The following RYR2 variants were observed in gnomAD, a reference collection of about 807,000 sequenced individuals.
RYR2 encodes the protein cardiac muscle ryanodine receptor-calcium release channel.
A neutral mutation model predicts 601.1 loss-of-function variants in RYR2; 227 were observed. The observed-to-expected ratio is 0.38, with a 90% CI of 0.34 to 0.42. RYR2 has a LOEUF of 0.42. Ranked by LOEUF, RYR2 falls within the 10% of genes least tolerant of loss-of-function variation. RYR2 has a pLI of 1.00. For synonymous variants in RYR2, 2,223 were observed against 2,175.1 expected, an observed-to-expected ratio of 1.02 and a Z score of -0.61; for missense variants, 4,646 against 6,156.5, an observed-to-expected ratio of 0.75 and a Z score of 8.21.
intron 2 of RYR2, among the ~76,000 whole-genome samples, chr1:237,325,869 A>C (rs80124763): frequency 6.6e-6 from 1 of 152,210 alleles, no homozygotes; most frequent in African/African-American, 2.4e-5. Flanking sequence ...TGATTTAAAA[A>C]TATGAAATAG....
At chr1:237,795,836 G>GTATATATATATATATATA (rs1553329286) in intron 96 of RYR2, among the ~76,000 whole-genome samples, 7 of 132,670 alleles carry the variant, frequency 5.3e-5, no homozygotes, top group Admixed American at 2.3e-4. Context: ...GTGTGTGTGT[G>GTATATATATATATATATA]TATATATATA....
At chr1:237,289,435 G>A (rs1218867636) in intron 2 of RYR2, among the ~76,000 whole-genome samples, 1 of 152,174 alleles carries the variant, frequency 6.6e-6, no homozygotes. Context: ...CCACAGGGCT[G>A]GGGAGGCCTC....
intron 14 of RYR2, among the ~76,000 whole-genome samples, chr1:237,453,784 G>A (rs537044934): frequency 6.6e-6 from 1 of 152,214 alleles, no homozygotes; most frequent in South Asian, 2.1e-4. Flanking sequence ...ACATTTACAT[G>A]CCAGTAATAT....
rs1380993300 is a variant in RYR2, at chr1:237,698,103, ATAGTGTGTGT to A, written c.9068-861_9068-852del. On this transcript the variant is annotated intron_variant, in intron 63 of 104. Coordinates refer to ENST00000366574, the MANE Select transcript of RYR2 (RefSeq NM_001035.3). ...TGTCAATCTCAGGACCCAGGAGATGATAGTGTGTGTGTGTGTGTGTGTGTGTGTGTGTGTG... is the reference window on the plus strand; with the variant it reads ...TGTCAATCTCAGGACCCAGGAGATGAGTGTGTGTGTGTGTGTGTGTGTGTG... 5.6e-5 allele frequency among the ~76,000 whole-genome samples: 6 copies of A among 107,722 alleles called. No homozygotes were observed. The Admixed American group carries it at 6.2e-4, about 11-fold the overall frequency. 70.7% of individuals were successfully genotyped at this position (107,722 alleles called of 152,430 possible).
At chr1:237,208,972 A>ATGTG (rs56773564) in intron 1 of RYR2, among the ~76,000 whole-genome samples, 2 of 118,468 alleles carry the variant, frequency 1.7e-5, no homozygotes, top group East Asian at 2.4e-4. Context: ...ATATATATAT[A>ATGTG]TATATATATA....
intron 33 of RYR2, among the ~76,000 whole-genome samples, chr1:237,594,070 G>A (rs12136895): frequency 0.25 from 38,338 of 152,024 alleles, 5,335 homozygotes; most frequent in East Asian, 0.6. Flanking sequence ...ATTTGAACTC[G>A]GACTGAGGAG....
chr1:237,514,014 G>A (rs1221390669), intron 24 of RYR2, among the ~76,000 whole-genome samples: 1 of 152,192 alleles, frequency 6.6e-6, no homozygotes, highest in Non-Finnish European at 1.5e-5. Context: ...GGTTAAAAAT[G>A]ACAAGGTTTG....
At chr1:237,454,849 C>A (rs1350925428) in intron 15 of RYR2, among the ~76,000 whole-genome samples, 1 of 152,140 alleles carries the variant, frequency 6.6e-6, no homozygotes, top group East Asian at 1.9e-4. Context: ...TGGTCTTTTG[C>A]AAGCACTATA....
intron 12 of RYR2, among the ~76,000 whole-genome samples, chr1:237,430,880 AG>A (rs1278840207): frequency 6.6e-6 from 1 of 152,180 alleles, no homozygotes; most frequent in African/African-American, 2.4e-5. Context: ...CTCATATTTG[AG>A]GACTTTTGAC....
At chr1:237,098,379 T>TTGTGTGTGTGTG (rs758325281) in intron 1 of RYR2, among the ~76,000 whole-genome samples, 1 of 58,728 alleles carries the variant, frequency 1.7e-5, no homozygotes, top group African/African-American at 3.6e-5. Flanking sequence ...ATAGTTGCCA[T>TTGTGTGTGTGTG]TGTGTGTATG....
rs148940143 is a variant in RYR2 at position 237,410,935 on chromosome 1, A to G, written c.774-6114A>G. Reference sequence around the variant, plus strand: ...AATTTTTTATAGTGTCATTTTACAAATGTATTGCGATGCATACACAATAGA... The same window carrying G: ...AATTTTTTATAGTGTCATTTTACAAGTGTATTGCGATGCATACACAATAGA... On this transcript the variant is annotated intron_variant, in intron 10 of 104. Coordinates refer to ENST00000366574, the MANE Select transcript of RYR2 (RefSeq NM_001035.3). Among the ~76,000 whole-genome samples, 1,279 of 152,304 alleles carry G rather than the reference A, an allele frequency of 8.4e-3. 28 individuals carry two copies. Among genetic ancestry groups the G allele is most frequent in the African/African-American group, 0.03 (1,229 of 41,562 alleles).
At chr1:237,729,337 A>G (rs927687153) in intron 76 of RYR2, among the ~76,000 whole-genome samples, 1 of 152,210 alleles carries the variant, frequency 6.6e-6, no homozygotes, top group Non-Finnish European at 1.5e-5. Flanking sequence ...TAAAAGCTAC[A>G]CAGGTGACTC....
At position 237,648,533 on chromosome 1, in the gene RYR2, AT is replaced by A; in HGVS notation, c.7434del (p.Ile2478MetfsTer25). 1 of 1,611,560 alleles carries A rather than the reference AT, an allele frequency of 6.2e-7. No homozygotes were observed. Among genetic ancestry groups the A allele is most frequent in the East Asian group, 2.2e-5 (1 of 44,874 alleles). ...TTTATTCCTTGACAGGGTCTATGGG[AT>A]TGAGGTTCAAGACTTCCTCCTCCAT... ...MVLFLDRVYG[I>X]EVQDFLLHLL... On this transcript the variant is annotated frameshift_variant, in exon 49 of 105. Transcript: ENST00000366574. LOFTEE classifies it high-confidence loss of function.
chr1:237,395,025 A>G (rs1008092623), intron 10 of RYR2, among the ~76,000 whole-genome samples: 2 of 152,190 alleles, frequency 1.3e-5, no homozygotes, highest in African/African-American at 2.4e-5. Context: ...TATCACAAGG[A>G]TAGCAAGGGG....
chr1:237,425,150 G>A (rs1706018673), intron 12 of RYR2, among the ~76,000 whole-genome samples: 1 of 152,124 alleles, frequency 6.6e-6, no homozygotes, highest in Non-Finnish European at 1.5e-5. Flanking sequence ...TTTGAAAGCA[G>A]TACATGTTGG....
At chr1:237,276,481 C>CA (rs1260650390) in intron 2 of RYR2, among the ~76,000 whole-genome samples, 1 of 151,894 alleles carries the variant, frequency 6.6e-6, no homozygotes, top group Non-Finnish European at 1.5e-5. Flanking sequence ...AACAACAAAG[C>CA]AAAATAAAGC....
At chr1:237,683,223 G>A (rs1384146922) in intron 62 of RYR2, among the ~76,000 whole-genome samples, 1 of 152,194 alleles carries the variant, frequency 6.6e-6, no homozygotes, top group Non-Finnish European at 1.5e-5. Context: ...TTTAACAGAC[G>A]TGAGTAGCAA....
At position 237,660,088 on chromosome 1, in the gene RYR2, G is replaced by A. The variant is rs767583909; in HGVS notation, c.8298+14G>A. ...TTGTCTGAAAAGGTAAGGATTTTTT[G>A]TTTGTTTTAGTTTGTAAAGTTTTTA... On this transcript the variant is annotated intron_variant, in intron 55 of 104. Coordinates refer to ENST00000366574, the MANE Select transcript of RYR2 (RefSeq NM_001035.3). The A allele has an allele frequency of 7.2e-7, 1 of 1,391,220 alleles. No individual in the cohort carries two copies. Among genetic ancestry groups the A allele is most frequent in the South Asian group, 1.7e-5 (1 of 57,522 alleles). The allele number at this position is 1,391,220 out of a possible 1,614,324, so 86.2% of individuals were successfully genotyped here.
chr1:237,645,254 G>T (rs1247031251), intron 48 of RYR2, among the ~76,000 whole-genome samples: 1 of 152,094 alleles, frequency 6.6e-6, no homozygotes, highest in African/African-American at 2.4e-5. Context: ...AATCTACAAG[G>T]TGGCAAAACT....
Sources: allele counts gnomAD v4.1 joint callset (sites outside exome capture counted in the v4.1 genomes callset), GRCh38; gene constraint gnomAD v4.1.1; transcripts MANE v1.5; gene names NCBI Gene and HGNC (gene_info 2026-07-23, HGNC 2026-07-21).